SDK2: variants seen among roughly 807,000 people sequenced by gnomAD.
SDK2 encodes protein sidekick-2.
Under a neutral mutation model 253.9 loss-of-function variants are expected in SDK2, and 105 were observed. The ratio of observed to expected loss-of-function variants is 0.41; its 90% CI spans 0.35 to 0.49. SDK2 has a LOEUF of 0.49. SDK2 is among the 20% of genes least tolerant of loss of function. The probability of loss-of-function intolerance (pLI) is 0.06; values close to 1 mark genes in which losing one functional copy is unlikely to be tolerated. For synonymous variants in SDK2, 1,249 were observed against 1,234.9 expected (o/e 1.01, Z -0.24); for missense variants, 2,608 against 3,003.0 (o/e 0.87, Z 3.07).
Position 73,383,412 on chromosome 17 carries a change from AG to A in SDK2, c.4705+463del, listed in dbSNP as rs1417945887. Reference sequence around the variant, plus strand: ...AAGAGGGGGCCAGGACTACTGCTCTAGGGGTGTGACCAGGTGAGGCTTCTGG... The same window carrying A: ...AAGAGGGGGCCAGGACTACTGCTCTAGGGTGTGACCAGGTGAGGCTTCTGG... On this transcript the variant is annotated intron_variant, in intron 33 of 44. Coordinates refer to ENST00000392650, the MANE Select transcript of SDK2 (RefSeq NM_001144952.2). This position sits in a 1 kb window ranked among gnomAD's most constrained non-coding sequence, Gnocchi z 4.3. 2.0e-5 allele frequency among the ~76,000 whole-genome samples: 3 copies of A among 152,198 alleles called. No individual in the cohort carries two copies. The highest frequency in any genetic ancestry group is 7.2e-5 in the African/African-American group (3 of 41,452).
At chr17:73,454,098 T>A (rs1044335508) in intron 4 of SDK2, among the ~76,000 whole-genome samples, 1 of 152,226 alleles carries the variant, frequency 6.6e-6, no homozygotes, top group Non-Finnish European at 1.5e-5. Context: ...CTAGGAGCAA[T>A]GGACTACACC....
intron 1 of SDK2, among the ~76,000 whole-genome samples, chr17:73,563,534 A>T (rs535907852): frequency 2.6e-5 from 4 of 152,316 alleles, no homozygotes; most frequent in South Asian, 4.1e-4. Flanking sequence ...AGCTATGAAC[A>T]GGCCACTGCC....
In SDK2 at chr17:73,337,254, AG is replaced by A. The variant is rs1257174302; in HGVS notation, c.*1332del. ...AGCCTGGAAGCTGTTACTGGGGGTT[AG>A]GGTGTCTTTGCCTTTTTGCCTGTAA... On this transcript the variant is annotated 3_prime_UTR_variant, in exon 45 of 45. Transcript: ENST00000392650. 2.6e-5 allele frequency: 4 copies of A among 152,302 alleles called. No individual in the cohort carries two copies. In the East Asian group the frequency reaches 7.7e-4, roughly 29 times the overall value. 9.4% of individuals were successfully genotyped at this position (152,302 alleles called of 1,614,324 possible).
At chr17:73,459,809 G>T (rs1399568643) in intron 3 of SDK2, among the ~76,000 whole-genome samples, 1 of 152,000 alleles carries the variant, frequency 6.6e-6, no homozygotes, top group Non-Finnish European at 1.5e-5. Context: ...GATTACAGGT[G>T]TAAGCCACTG....
At position 73,443,160 on chromosome 17, in the gene SDK2, G is replaced by A. The variant is rs1438049555; in HGVS notation, c.614-2237C>T. On this transcript the variant is annotated intron_variant, in intron 5 of 44. Transcript: ENST00000392650. The surrounding 1 kb of genome is among the most constrained non-coding windows in gnomAD (Gnocchi z 4.6). Reference sequence around the variant, plus strand: ...TGGGGTTAGGGGCAGGGTGCACAGTGGCCCCACTGCCCCTCTGGGCCACCT... The same window carrying A: ...TGGGGTTAGGGGCAGGGTGCACAGTAGCCCCACTGCCCCTCTGGGCCACCT... Among the ~76,000 whole-genome samples the A allele has an allele frequency of 6.6e-6, 1 of 152,160 alleles. No homozygotes were observed. The highest frequency in any genetic ancestry group is 2.4e-5 in the African/African-American group (1 of 41,442).
chr17:73,538,117 G>A (rs2044809419), intron 1 of SDK2, among the ~76,000 whole-genome samples: 1 of 152,170 alleles, frequency 6.6e-6, no homozygotes, highest in Non-Finnish European at 1.5e-5. Context: ...ACTGCACTTG[G>A]CCTGGCTGGA....
intron 2 of SDK2, among the ~76,000 whole-genome samples, chr17:73,475,309 G>A (rs367801354): frequency 2.0e-5 from 3 of 152,108 alleles, no homozygotes; most frequent in South Asian, 2.1e-4. Flanking sequence ...CTGCCACCAC[G>A]CCCAGCTAAT....
At chr17:73,397,146 G>A (rs1280865083) in intron 24 of SDK2, among the ~76,000 whole-genome samples, 1 of 152,248 alleles carries the variant, frequency 6.6e-6, no homozygotes, top group Admixed American at 6.5e-5. Flanking sequence ...GAGGGCTCCT[G>A]CTATGCTAGT....
At chr17:73,346,407 ATT>A (rs202087594) in intron 44 of SDK2, among the ~76,000 whole-genome samples, 1 of 146,604 alleles carries the variant, frequency 6.8e-6, no homozygotes. Context: ...AAGTATATAC[ATT>A]TTTTTTTTTT....
At position 73,483,710 on chromosome 17, in the gene SDK2, T is replaced by A. The variant is rs867443618; in HGVS notation, c.225-11492A>T. Reference sequence around the variant, plus strand: ...ATATATATATATATATATATATATTTTTTTTTTTTTTTAGTAGAGTTGGGG... The same window carrying A: ...ATATATATATATATATATATATATTATTTTTTTTTTTTAGTAGAGTTGGGG... On this transcript the variant is annotated intron_variant, in intron 2 of 44. Coordinates refer to ENST00000392650, the MANE Select transcript of SDK2 (RefSeq NM_001144952.2). Among the ~76,000 whole-genome samples, 710 of 113,248 alleles carry A rather than the reference T, an allele frequency of 6.3e-3. 24 individuals are homozygous for A. Among genetic ancestry groups the A allele is most frequent in the African/African-American group, 0.015 (346 of 23,094 alleles). The allele number at this position is 113,248 out of a possible 152,430, so 74.3% of individuals were successfully genotyped here. A position where few individuals can be genotyped will look rare whatever the true frequency, so the allele number is the denominator to read the frequency against.
intron 1 of SDK2, among the ~76,000 whole-genome samples, chr17:73,615,728 C>T (rs558143629): frequency 6.6e-5 from 10 of 152,296 alleles, no homozygotes; most frequent in Admixed American, 6.5e-4. Flanking sequence ...GGTCCGACAG[C>T]CCACTGGAGG....
chr17:73,643,909 G>C lies in SDK2; in HGVS notation c.64+116C>G. The C allele has an allele frequency of 1.1e-6, 1 of 918,578 alleles. No homozygotes were observed. Among genetic ancestry groups the C allele is most frequent in the Non-Finnish European group, 1.7e-6 (1 of 593,226 alleles). 56.9% of individuals were successfully genotyped at this position (918,578 alleles called of 1,614,324 possible). A position where few individuals can be genotyped will look rare whatever the true frequency, so the allele number is the denominator to read the frequency against. Reference sequence around the variant, plus strand: ...CTTGAAACTCCCTGGAGAGGGCTCTGCCACGGCTAAGCCGGGTGTCCAGGA... The same window carrying C: ...CTTGAAACTCCCTGGAGAGGGCTCTCCCACGGCTAAGCCGGGTGTCCAGGA... On this transcript the variant is annotated intron_variant, in intron 1 of 44. Coordinates refer to ENST00000392650, the MANE Select transcript of SDK2 (RefSeq NM_001144952.2). The surrounding 1 kb of genome is among the most constrained non-coding windows in gnomAD (Gnocchi z 6.9).
At chr17:73,519,625 TTA>T (rs2064059682) in intron 1 of SDK2, 1 of 152,116 alleles carries the variant, frequency 6.6e-6, no homozygotes, top group African/African-American at 2.4e-5. Flanking sequence ...GACTTCTCTT[TTA>T]TTTCTCTCAT....
At chr17:73,631,636 G>A (rs2046272123) in intron 1 of SDK2, among the ~76,000 whole-genome samples, 1 of 152,234 alleles carries the variant, frequency 6.6e-6, no homozygotes, top group Admixed American at 6.5e-5. Context: ...CCCTGGTGGG[G>A]GACTGGGTGG....
chr17:73,537,258 G>C (rs11077687), intron 1 of SDK2, among the ~76,000 whole-genome samples: 77,134 of 151,998 alleles, frequency 0.51, 20,474 homozygotes, highest in East Asian at 0.76. Flanking sequence ...TGCCCTGCTC[G>C]CCTTGCCCCT....
intron 18 of SDK2, among the ~76,000 whole-genome samples, chr17:73,410,423 C>T (rs1175113526): frequency 6.6e-6 from 1 of 152,216 alleles, no homozygotes; most frequent in East Asian, 1.9e-4. Context: ...AAGCGATTCT[C>T]CTGCCTCGGC....
chr17:73,613,478 C>T (rs1483573662), intron 1 of SDK2, among the ~76,000 whole-genome samples: 2 of 152,172 alleles, frequency 1.3e-5, no homozygotes, highest in East Asian at 3.9e-4. Flanking sequence ...GCCATCCGTG[C>T]TCTCTTTGGA....
chr17:73,473,312 G>A (rs1338332088), intron 2 of SDK2, among the ~76,000 whole-genome samples: 1 of 152,230 alleles, frequency 6.6e-6, no homozygotes, highest in Admixed American at 6.5e-5. Flanking sequence ...TTCTGACAGT[G>A]GGACAGGAGT....
At chr17:73,552,400 G>A (rs1385454583) in intron 1 of SDK2, among the ~76,000 whole-genome samples, 1 of 152,180 alleles carries the variant, frequency 6.6e-6, no homozygotes, top group Non-Finnish European at 1.5e-5. Flanking sequence ...ACCCCCTCAT[G>A]TTAAGGCAGC....
Sources: gnomAD v4.1 joint callset for allele counts (sites outside exome capture counted in the v4.1 genomes callset) on GRCh38, gnomAD v4.1.1 for gene constraint, Gnocchi (gnomAD v3.1) non-coding constraint, MANE v1.5 for transcripts, NCBI Gene and HGNC (gene_info 2026-07-23, HGNC 2026-07-21) for gene names.